Variants in TENM1 observed in about 807,000 individuals in gnomAD.
TENM1 encodes the protein teneurin transmembrane protein 1, also known as teneurin-1.
Under a neutral mutation model 174.8 loss-of-function variants are expected in TENM1, and 35 were observed. The observed-to-expected ratio is 0.20, with a 90% CI of 0.15 to 0.27. The LOEUF is 0.27. Ranked by LOEUF, TENM1 falls within the 10% of genes least tolerant of loss-of-function variation. The pLI is 1.00. For synonymous variants in TENM1, 781 were observed against 798.7 expected, an observed-to-expected ratio of 0.98 and a Z score of 0.37; for missense variants, 1,633 against 2,130.1, an observed-to-expected ratio of 0.77 and a Z score of 4.59.
At chrX:124,859,566 G>GA (rs1205186779) in intron 3 of TENM1, among the ~76,000 whole-genome samples, 1 of 107,072 alleles carries the variant, frequency 9.3e-6, no homozygotes, top group Non-Finnish European at 1.9e-5. Context: ...AAAACAAAAA[G>GA]AAAGTTTGAG....
intron 1 of TENM1, among the ~76,000 whole-genome samples, chrX:124,955,936 T>C (rs1208080626): frequency 9.0e-6 from 1 of 111,444 alleles, no homozygotes; most frequent in Non-Finnish European, 1.9e-5. Context: ...GCTAGTTCTA[T>C]CACTTACTAC....
the TENM1 span, among the ~76,000 whole-genome samples, chrX:125,199,057 G>C: frequency 9.0e-6 from 1 of 111,592 alleles, no homozygotes; most frequent in African/African-American, 3.3e-5. Context: ...GCATTTTATA[G>C]TAACCCAAGA....
At chrX:124,636,363 A>G (rs888162014) in intron 11 of TENM1, among the ~76,000 whole-genome samples, 1 of 111,250 alleles carries the variant, frequency 9.0e-6, no homozygotes, top group African/African-American at 3.3e-5. Flanking sequence ...TCCTTCCCTT[A>G]TTTTTCAATC....
At chrX:124,746,795 A>T (rs1462550983) in intron 3 of TENM1, among the ~76,000 whole-genome samples, 6 of 110,953 alleles carry the variant, frequency 5.4e-5, no homozygotes, top group African/African-American at 1.6e-4. Flanking sequence ...TGATCTATTG[A>T]TATAGATGTG....
intron 11 of TENM1, among the ~76,000 whole-genome samples, chrX:124,632,981 C>T (rs1430889373): frequency 8.9e-6 from 1 of 111,903 alleles, no homozygotes; most frequent in African/African-American, 3.2e-5. Flanking sequence ...TTTATCCTCC[C>T]CTGTCAGAGA....
At chrX:124,985,778 T>C in the TENM1 span, among the ~76,000 whole-genome samples, 1 of 112,119 alleles carries the variant, frequency 8.9e-6, no homozygotes, top group Non-Finnish European at 1.9e-5. Flanking sequence ...CTGTGCAATG[T>C]AATTAATGTT....
At chrX:124,450,567 T>C (rs2061023987) in intron 23 of TENM1, among the ~76,000 whole-genome samples, 1 of 111,645 alleles carries the variant, frequency 9.0e-6, no homozygotes, top group South Asian at 3.8e-4. Context: ...AAAAATGGAC[T>C]AATATATTTA....
chrX:124,473,856 A>T (rs1007654041), intron 22 of TENM1, among the ~76,000 whole-genome samples: 7 of 111,979 alleles, frequency 6.3e-5, no homozygotes, highest in Non-Finnish European at 1.1e-4. Context: ...AATGAATTTA[A>T]TTGTGAAATA....
intron 18 of TENM1, among the ~76,000 whole-genome samples, chrX:124,513,523 G>T (rs1458553148): frequency 9.0e-6 from 1 of 111,729 alleles, no homozygotes; most frequent in Non-Finnish European, 1.9e-5. Flanking sequence ...ACATCTTTGT[G>T]GGGGTGGCTA....
intron 4 of TENM1, among the ~76,000 whole-genome samples, chrX:124,730,288 T>C (rs1231560061): frequency 8.9e-6 from 1 of 111,857 alleles, no homozygotes; most frequent in African/African-American, 3.3e-5. Context: ...AAGATAGCAA[T>C]AGGGACAAAA....
At chrX:124,398,206 C>T (rs376759363) in intron 27 of TENM1, among the ~76,000 whole-genome samples, 1 of 105,571 alleles carries the variant, frequency 9.5e-6, no homozygotes, top group Non-Finnish European at 1.9e-5. Context: ...CCAGCCTGGG[C>T]GACAGAGCAA....
intron 11 of TENM1, among the ~76,000 whole-genome samples, chrX:124,603,524 T>C (rs1233662358): frequency 9.0e-6 from 1 of 111,413 alleles, no homozygotes; most frequent in Non-Finnish European, 1.9e-5. Flanking sequence ...GCTTAACACT[T>C]TGTCTAGGGT....
At chrX:125,108,250 C>T in the TENM1 span, among the ~76,000 whole-genome samples, 1 of 111,698 alleles carries the variant, frequency 9.0e-6, no homozygotes, top group Middle Eastern at 4.6e-3. Context: ...TTTCACCTCA[C>T]CATTGGCAAT....
chrX:125,103,094 C>A, the TENM1 span, among the ~76,000 whole-genome samples: 7 of 112,325 alleles, frequency 6.2e-5, no homozygotes, highest in Non-Finnish European at 1.3e-4. Flanking sequence ...GCAAACTTGA[C>A]ATTGCAAATA....
In TENM1 at chrX:124,600,026, A is replaced by ATG. The variant is rs1383549126; in HGVS notation, c.2078-34468_2078-34467dup. Among the ~76,000 whole-genome samples the ATG allele has an allele frequency of 3.8e-4, 42 of 109,189 alleles. No individual in the cohort carries two copies. The South Asian group carries it at 3.9e-3, about 10-fold the overall frequency. 94.8% of individuals were successfully genotyped at this position (109,189 alleles called of 115,157 possible). A position where few individuals can be genotyped will look rare whatever the true frequency, so the allele number is the denominator to read the frequency against. On this transcript the variant is annotated intron_variant, in intron 11 of 31. Coordinates refer to ENST00000422452, the Ensembl canonical transcript of TENM1. ...GATAGAAATTAGTATGTATATATAT[A>ATG]TGTGTGTGTGTGTGTATATATATAT...
chrX:124,611,206 C>A (rs1178284107), intron 11 of TENM1, among the ~76,000 whole-genome samples: 1 of 111,815 alleles, frequency 8.9e-6, no homozygotes. Flanking sequence ...GCTTTTAGGG[C>A]CTTCCAAGGC....
At chrX:124,810,042 C>T (rs2055722590) in intron 3 of TENM1, among the ~76,000 whole-genome samples, 1 of 111,047 alleles carries the variant, frequency 9.0e-6, no homozygotes, top group Non-Finnish European at 1.9e-5. Flanking sequence ...GGTGGGGACA[C>T]ACAGCCAAAC....
chrX:124,519,703 C>T (rs1034810498), intron 18 of TENM1, among the ~76,000 whole-genome samples: 38 of 111,084 alleles, frequency 3.4e-4, no homozygotes, highest in Non-Finnish European at 4.9e-4. Context: ...GAGATAAAGA[C>T]TTTGGTGTTA....
At chrX:125,018,996 G>A in the TENM1 span, among the ~76,000 whole-genome samples, 2 of 112,001 alleles carry the variant, frequency 1.8e-5, no homozygotes, top group Non-Finnish European at 3.8e-5. Context: ...TGAGGTTTGT[G>A]TTATACTGAA....
Sources: gnomAD v4.1 joint callset for allele counts (sites outside exome capture counted in the v4.1 genomes callset) on GRCh38, gnomAD v4.1.1 for gene constraint, MANE v1.5 for transcripts, NCBI Gene and HGNC (gene_info 2026-07-23, HGNC 2026-07-21) for gene names.